Variants in ASTN2 observed in about 807,000 individuals in gnomAD.
ASTN2 encodes the protein astrotactin-2.
A neutral mutation model predicts 139.8 loss-of-function variants in ASTN2; 54 were observed. The ratio of observed to expected loss-of-function variants is 0.39; its 90% CI spans 0.31 to 0.48. The LOEUF is 0.48. Ranked by LOEUF, ASTN2 falls within the 20% of genes least tolerant of loss-of-function variation. The pLI, the probability that ASTN2 is intolerant of heterozygous loss-of-function variation, is 0.95. For synonymous variants in ASTN2, 756 were observed against 719.5 expected (o/e 1.05, Z -0.81); for missense variants, 1,565 against 1,725.1 (o/e 0.91, Z 1.64).
chr9:117,389,203 G>A (rs1476440298), intron 1 of ASTN2, among the ~76,000 whole-genome samples: 1 of 152,160 alleles, frequency 6.6e-6, no homozygotes, highest in African/African-American at 2.4e-5. Context: ...AAGGGGGTGG[G>A]CAAGAGGGGA....
intron 22 of ASTN2, among the ~76,000 whole-genome samples, chr9:116,428,254 G>A (rs10817888): frequency 0.32 from 49,347 of 152,050 alleles, 8,922 homozygotes; most frequent in East Asian, 0.68. Context: ...GGCCGGGCAC[G>A]GCGGCTCATG....
chr9:117,278,865 C>A (rs977417136), intron 2 of ASTN2, among the ~76,000 whole-genome samples: 1 of 152,094 alleles, frequency 6.6e-6, no homozygotes, highest in African/African-American at 2.4e-5. Flanking sequence ...GAGCAAGGGG[C>A]CTTCTGCTGG....
intron 19 of ASTN2, among the ~76,000 whole-genome samples, chr9:116,509,522 C>G (rs7874338): frequency 0.011 from 1,723 of 152,090 alleles, 44 homozygotes; most frequent in African/African-American, 0.04. Context: ...GGGTATATAC[C>G]CAGTAATGGG....
At chr9:117,225,114 A>G (rs1193118084) in intron 2 of ASTN2, among the ~76,000 whole-genome samples, 1 of 152,218 alleles carries the variant, frequency 6.6e-6, no homozygotes, top group Non-Finnish European at 1.5e-5. Context: ...AATGGTACAC[A>G]GCACAGAGTA....
chr9:116,805,256 A>C (rs1287312244), intron 13 of ASTN2, among the ~76,000 whole-genome samples: 1 of 152,170 alleles, frequency 6.6e-6, no homozygotes, highest in Non-Finnish European at 1.5e-5. Flanking sequence ...TTTCTACTAC[A>C]TTAAATGTCC....
chr9:117,393,317 G>A (rs946266133), intron 1 of ASTN2, among the ~76,000 whole-genome samples: 2 of 152,172 alleles, frequency 1.3e-5, no homozygotes, highest in Non-Finnish European at 2.9e-5. Flanking sequence ...ACTTGAGATT[G>A]TTGGGGACAG....
intron 3 of ASTN2, among the ~76,000 whole-genome samples, chr9:117,173,401 G>T (rs902815015): frequency 6.6e-6 from 1 of 152,012 alleles, no homozygotes. Flanking sequence ...GTATCTAATG[G>T]TTACACATGA....
At chr9:117,304,359 G>A (rs1352952437) in intron 1 of ASTN2, among the ~76,000 whole-genome samples, 2 of 152,090 alleles carry the variant, frequency 1.3e-5, no homozygotes, top group African/African-American at 2.4e-5. Flanking sequence ...GTTATTTCAT[G>A]CTTCACCTAC....
At chr9:116,703,423 G>A (rs1352432143) in intron 16 of ASTN2, among the ~76,000 whole-genome samples, 2 of 151,892 alleles carry the variant, frequency 1.3e-5, no homozygotes, top group Non-Finnish European at 2.9e-5. Context: ...CTCCCATGTT[G>A]TAGGGACATG....
intron 6 of ASTN2, among the ~76,000 whole-genome samples, chr9:117,030,549 A>G (rs1374244817): frequency 6.6e-6 from 1 of 152,202 alleles, no homozygotes; most frequent in African/African-American, 2.4e-5. Context: ...ACAGAGTGTC[A>G]TTAAAAATCC....
intron 19 of ASTN2, among the ~76,000 whole-genome samples, chr9:116,509,215 G>A (rs1217316782): frequency 6.6e-6 from 1 of 152,032 alleles, no homozygotes; most frequent in African/African-American, 2.4e-5. Context: ...GTGCCCAAGT[G>A]TTCTCATTGT....
chr9:116,581,928 C>T (rs1338921066), intron 19 of ASTN2: 1 of 152,212 alleles, frequency 6.6e-6, no homozygotes, highest in Non-Finnish European at 1.5e-5. Flanking sequence ...TCTGACTATT[C>T]TTTCCCCAGG....
At chr9:116,610,303 T>C (rs1855468903) in intron 19 of ASTN2, among the ~76,000 whole-genome samples, 1 of 152,126 alleles carries the variant, frequency 6.6e-6, no homozygotes, top group Non-Finnish European at 1.5e-5. Flanking sequence ...AAAGCAATGA[T>C]AGTATAAAAG....
chr9:117,057,444 T>G (rs1839095151), intron 5 of ASTN2, among the ~76,000 whole-genome samples: 1 of 152,224 alleles, frequency 6.6e-6, no homozygotes. Context: ...TTCCTGCATA[T>G]GCTGTTAAAT....
intron 10 of ASTN2, among the ~76,000 whole-genome samples, chr9:116,969,363 A>G (rs2132516132): frequency 6.6e-6 from 1 of 152,302 alleles, no homozygotes; most frequent in East Asian, 1.9e-4. Context: ...ATGAGTAAAG[A>G]CTAAATGAAC....
chr9:116,927,921 G>T (rs1468364931), intron 10 of ASTN2, among the ~76,000 whole-genome samples: 1 of 152,156 alleles, frequency 6.6e-6, no homozygotes. Flanking sequence ...TTCCCTTTGG[G>T]AAATCACACC....
chr9:117,047,882 C>T (rs1283796884), intron 5 of ASTN2, among the ~76,000 whole-genome samples: 1 of 152,078 alleles, frequency 6.6e-6, no homozygotes, highest in Non-Finnish European at 1.5e-5. Context: ...CTACCACTAT[C>T]ACTAGTAACA....
chr9:117,229,361 T>A (rs73655605), intron 2 of ASTN2, among the ~76,000 whole-genome samples: 18,359 of 152,114 alleles, frequency 0.12, 1,449 homozygotes, highest in South Asian at 0.23. Flanking sequence ...GCTCCCCACA[T>A]TCCCTCGGGT....
intron 1 of ASTN2, among the ~76,000 whole-genome samples, chr9:117,321,388 C>A (rs1828317273): frequency 6.6e-6 from 1 of 152,206 alleles, no homozygotes; most frequent in African/African-American, 2.4e-5. Flanking sequence ...GCCTTCCCAA[C>A]CTTCTCTCTA....
Sources: gnomAD v4.1 joint callset for allele counts (sites outside exome capture counted in the v4.1 genomes callset) on GRCh38, gnomAD v4.1.1 for gene constraint, MANE v1.5 for transcripts, NCBI Gene and HGNC (gene_info 2026-07-23, HGNC 2026-07-21) for gene names.